WDFY3: variants seen among roughly 807,000 people sequenced by gnomAD.
WDFY3 encodes the protein WD repeat and FYVE domain-containing protein 3.
In WDFY3, 66 loss-of-function variants were observed where a neutral mutation model predicts 409.6. That is an observed-to-expected ratio of 0.16 (90% CI 0.13 to 0.20). The LOEUF (loss-of-function observed/expected upper bound fraction) is 0.20, where lower values mean the gene tolerates loss of function less well. WDFY3 is among the 10% of genes least tolerant of loss of function. The pLI, the probability that WDFY3 is intolerant of heterozygous loss-of-function variation, is 1.00. For synonymous variants in WDFY3, 1,521 were observed against 1,537.1 expected (o/e 0.99, Z 0.25); for missense variants, 3,031 against 4,298.1 (o/e 0.71, Z 8.24).
chr4:84,797,873 T>C, intron 18 of WDFY3, 123 bp downstream of exon 18: 1 of 915,760 alleles, frequency 1.1e-6, no homozygotes, highest in Admixed American at 3.0e-5. Context: ...GCCGGGCCTG[T>C]TTCCCTATTT....
chr4:84,946,601 G>GA (rs1257098612), intron 1 of WDFY3, among the ~76,000 whole-genome samples: 1 of 152,146 alleles, frequency 6.6e-6, no homozygotes, highest in Non-Finnish European at 1.5e-5. Context: ...CAAAGGGAAA[G>GA]AGACAGGAAA....
At chr4:84,921,911 T>C (rs1209911238) in intron 2 of WDFY3, among the ~76,000 whole-genome samples, 1 of 151,976 alleles carries the variant, frequency 6.6e-6, no homozygotes, top group Non-Finnish European at 1.5e-5. Flanking sequence ...TGCCTTGGCC[T>C]CCCAAAGTGC....
At chr4:84,922,198 T>G (rs1036102173) in intron 2 of WDFY3, among the ~76,000 whole-genome samples, 2 of 152,116 alleles carry the variant, frequency 1.3e-5, no homozygotes, top group African/African-American at 4.8e-5. Flanking sequence ...TAACAACAAC[T>G]AGATTTTATA....
chr4:84,705,570 G>T, intron 53 of WDFY3, 59 bp from the exon 54 acceptor site: 16 of 1,299,620 alleles, frequency 1.2e-5, no homozygotes, highest in Non-Finnish European at 1.7e-5. Context: ...CCTCACTAAC[G>T]TAGATACAGT....
rs1267690248 is a variant in WDFY3 at position 84,966,364 on chromosome 4, C to G, written c.-381G>C. On this transcript the variant is annotated 5_prime_UTR_variant, in exon 1 of 68. Transcript: ENST00000295888. Reference sequence around the variant, plus strand: ...GAGCCCCGCGCCGCGGGCCGGGGGCCGGGGCCCGAGCTCGATTCTGCGGCC... The same window carrying G: ...GAGCCCCGCGCCGCGGGCCGGGGGCGGGGGCCCGAGCTCGATTCTGCGGCC... 2.0e-5 allele frequency: 3 copies of G among 150,106 alleles called. No homozygotes were observed. The highest frequency in any genetic ancestry group is 2.1e-4 in the South Asian group (1 of 4,812). 9.3% of individuals were successfully genotyped at this position (150,106 alleles called of 1,614,324 possible).
chr4:84,709,482 T>C, intron 51 of WDFY3, 135 bp from the exon 52 acceptor site: 1 of 658,394 alleles, frequency 1.5e-6, no homozygotes, highest in East Asian at 2.8e-5. Context: ...GGTCATAAAA[T>C]CAGTTTAGTG....
chr4:84,800,956 T>C (rs1291787569), intron 17 of WDFY3, among the ~76,000 whole-genome samples: 1 of 152,134 alleles, frequency 6.6e-6, no homozygotes, highest in African/African-American at 2.4e-5. Flanking sequence ...TACTGGTCCA[T>C]GGCTCGGGGG....
intron 1 of WDFY3, among the ~76,000 whole-genome samples, chr4:84,946,342 T>C (rs1168890076): frequency 2.0e-5 from 3 of 152,200 alleles, no homozygotes; most frequent in Non-Finnish European, 2.9e-5. Flanking sequence ...AAATACATTT[T>C]CTCTTTATTT....
intron 6 of WDFY3, among the ~76,000 whole-genome samples, chr4:84,839,101 T>C (rs755551235): frequency 2.4e-4 from 36 of 152,342 alleles, no homozygotes; most frequent in East Asian, 1.5e-3. Context: ...TGATGTTTCA[T>C]TTTCATTTAT....
At chr4:84,854,298 T>C (rs1242241020) in intron 4 of WDFY3, among the ~76,000 whole-genome samples, 1 of 152,104 alleles carries the variant, frequency 6.6e-6, no homozygotes, top group Non-Finnish European at 1.5e-5. Context: ...TGGGGCATTT[T>C]GTATAAGAGG....
intron 41 of WDFY3, 49 bp downstream of exon 41, chr4:84,737,135 T>TGATA: frequency 6.2e-7 from 1 of 1,605,682 alleles, no homozygotes; most frequent in Non-Finnish European, 8.5e-7. Context: ...TACCCATATA[T>TGATA]GATAGCCACA....
At chr4:84,939,996 T>C (rs139168247) in intron 1 of WDFY3, among the ~76,000 whole-genome samples, 4 of 152,244 alleles carry the variant, frequency 2.6e-5, no homozygotes, top group Non-Finnish European at 5.9e-5. Flanking sequence ...CATGTACATA[T>C]ATATTGGCTT....
chr4:84,912,627 GAGACGC>G (rs1767939672), intron 2 of WDFY3, among the ~76,000 whole-genome samples: 1 of 151,918 alleles, frequency 6.6e-6, no homozygotes, highest in East Asian at 1.9e-4. Context: ...AAGAGAACAG[GAGACGC>G]AGCTTCTGCC....
chr4:84,751,386 G>A (rs1740489947), intron 36 of WDFY3, 97 bp downstream of exon 36: 5 of 1,255,054 alleles, frequency 4.0e-6, no homozygotes, highest in Non-Finnish European at 5.7e-6. Context: ...ATAAACAAGA[G>A]GAATTAGAAA....
intron 1 of WDFY3, among the ~76,000 whole-genome samples, chr4:84,963,338 C>G (rs1458165272): frequency 1.3e-5 from 2 of 151,082 alleles, no homozygotes; most frequent in Non-Finnish European, 2.9e-5. Flanking sequence ...GCACGAGAAT[C>G]TCTCGAAACC....
chr4:84,795,237 C>T (rs1749187528), intron 19 of WDFY3, among the ~76,000 whole-genome samples: 1 of 152,152 alleles, frequency 6.6e-6, no homozygotes, highest in Non-Finnish European at 1.5e-5. Flanking sequence ...CATATGGCAA[C>T]ATACTCTAAC....
chr4:84,919,355 T>C (rs1017039305), intron 2 of WDFY3, among the ~76,000 whole-genome samples: 2 of 152,238 alleles, frequency 1.3e-5, no homozygotes, highest in South Asian at 2.1e-4. Context: ...ATAGTAAAGA[T>C]TGATTCAAGC....
intron 1 of WDFY3, among the ~76,000 whole-genome samples, chr4:84,948,145 T>G (rs1370265815): frequency 6.6e-6 from 1 of 152,190 alleles, no homozygotes; most frequent in East Asian, 1.9e-4. Context: ...AATCATGCAT[T>G]TTCCTTGCTT....
intron 2 of WDFY3, among the ~76,000 whole-genome samples, chr4:84,909,707 C>A (rs913463081): frequency 2.0e-5 from 3 of 151,894 alleles, no homozygotes; most frequent in African/African-American, 7.3e-5. Context: ...ATAAAAGTAG[C>A]ATTTAACATA....
Sources: gnomAD v4.1 joint callset for allele counts (sites outside exome capture counted in the v4.1 genomes callset) on GRCh38, gnomAD v4.1.1 for gene constraint, MANE v1.5 for transcripts, NCBI Gene and HGNC (gene_info 2026-07-23, HGNC 2026-07-21) for gene names.